The following SNTB1 variants were observed in gnomAD, a reference collection of about 807,000 sequenced individuals.
SNTB1 encodes syntrophin beta 1, also known as beta-1-syntrophin.
In SNTB1, 36 loss-of-function variants were observed where a neutral mutation model predicts 48.9. The observed-to-expected ratio is 0.74, with a 90% CI of 0.56 to 0.97. The LOEUF (loss-of-function observed/expected upper bound fraction) is 0.97, where lower values mean the gene tolerates loss of function less well. SNTB1 is among the 50% of genes least tolerant of loss of function. The pLI, the probability that SNTB1 is intolerant of heterozygous loss-of-function variation, is 0.00. For missense variants in SNTB1, 786 were observed against 703.4 expected (o/e 1.12, Z -1.33); for synonymous variants, 299 against 294.6 (o/e 1.01, Z -0.15).
chr8:120,807,680 G>A (rs1001734126), intron 1 of SNTB1, among the ~76,000 whole-genome samples: 5 of 152,034 alleles, frequency 3.3e-5, no homozygotes, highest in Non-Finnish European at 5.9e-5. Context: ...CCTCCTTCCC[G>A]TCCCTCCCTT....
chr8:120,693,018 A>G (rs1268026221), intron 2 of SNTB1, among the ~76,000 whole-genome samples: 1 of 152,172 alleles, frequency 6.6e-6, no homozygotes. Flanking sequence ...TGAGGGCTTC[A>G]GGGAGATTCC....
At chr8:120,544,310 G>T (rs909045822) in intron 5 of SNTB1, among the ~76,000 whole-genome samples, 5 of 152,126 alleles carry the variant, frequency 3.3e-5, no homozygotes, top group Non-Finnish European at 7.4e-5. Context: ...AGTATTTGGG[G>T]TATTTGTGAT....
intron 3 of SNTB1, among the ~76,000 whole-genome samples, chr8:120,575,705 T>A (rs1428708240): frequency 1.3e-5 from 2 of 152,230 alleles, no homozygotes; most frequent in Non-Finnish European, 2.9e-5. Context: ...TTCCCTAGTC[T>A]TTTGCTCTTA....
intron 1 of SNTB1, among the ~76,000 whole-genome samples, chr8:120,782,432 GT>G (rs1188714799): frequency 6.6e-6 from 1 of 151,906 alleles, no homozygotes; most frequent in Non-Finnish European, 1.5e-5. Flanking sequence ...TTTAAAAAAA[GT>G]TTTTTAAAAG....
intron 1 of SNTB1, among the ~76,000 whole-genome samples, chr8:120,766,807 T>C (rs568569552): frequency 6.6e-6 from 1 of 152,344 alleles, no homozygotes; most frequent in South Asian, 2.1e-4. Flanking sequence ...TGTAAAGCTA[T>C]GTATTTGCCA....
intron 1 of SNTB1, among the ~76,000 whole-genome samples, chr8:120,709,131 G>A (rs1045027416): frequency 3.9e-5 from 6 of 152,038 alleles, no homozygotes; most frequent in African/African-American, 1.4e-4. Context: ...AGGGAAGGAG[G>A]AAGGCAAGAA....
At chr8:120,735,527 G>T (rs532361827) in intron 1 of SNTB1, among the ~76,000 whole-genome samples, 1 of 152,128 alleles carries the variant, frequency 6.6e-6, no homozygotes, top group Non-Finnish European at 1.5e-5. Flanking sequence ...TCTAATCTGC[G>T]TGGTTGGTGT....
chr8:120,709,184 C>T (rs1256520671), intron 1 of SNTB1, among the ~76,000 whole-genome samples: 2 of 152,100 alleles, frequency 1.3e-5, no homozygotes, highest in Non-Finnish European at 2.9e-5. Context: ...CCTGAATTTC[C>T]ATCATGGCTG....
intron 6 of SNTB1, among the ~76,000 whole-genome samples, chr8:120,540,996 C>G (rs569893288): frequency 6.6e-6 from 1 of 152,136 alleles, no homozygotes; most frequent in Non-Finnish European, 1.5e-5. Context: ...AGAGATTAGT[C>G]ATTACGAAAT....
At chr8:120,643,613 T>C (rs2129680982) in intron 2 of SNTB1, among the ~76,000 whole-genome samples, 1 of 152,376 alleles carries the variant, frequency 6.6e-6, no homozygotes, top group Non-Finnish European at 1.5e-5. Flanking sequence ...TTTATATGAC[T>C]GAGTAGTATT....
At chr8:120,588,981 T>C (rs1363943062) in intron 3 of SNTB1, among the ~76,000 whole-genome samples, 1 of 152,192 alleles carries the variant, frequency 6.6e-6, no homozygotes, top group East Asian at 1.9e-4. Context: ...CATCATAATG[T>C]ATATACCACT....
At chr8:120,811,053 CTG>C (rs1339085956) in intron 1 of SNTB1, among the ~76,000 whole-genome samples, 25 of 152,132 alleles carry the variant, frequency 1.6e-4, no homozygotes, top group Non-Finnish European at 2.9e-4. Context: ...CCTGGAAAGA[CTG>C]CGGGCTGGAG....
intron 1 of SNTB1, among the ~76,000 whole-genome samples, chr8:120,790,141 T>C (rs1820003806): frequency 3.3e-5 from 5 of 152,016 alleles, no homozygotes; most frequent in Admixed American, 3.3e-4. Flanking sequence ...AAAAGCCTTA[T>C]GAACATTTCC....
chr8:120,809,708 T>C (rs941877036), intron 1 of SNTB1, among the ~76,000 whole-genome samples: 10 of 149,568 alleles, frequency 6.7e-5, no homozygotes, highest in Admixed American at 4.7e-4. Context: ...AGATCCCACC[T>C]GCCCCTTGTC....
chr8:120,730,091 C>A (rs1818827084), intron 1 of SNTB1, among the ~76,000 whole-genome samples: 1 of 152,168 alleles, frequency 6.6e-6, no homozygotes, highest in Admixed American at 6.5e-5. Flanking sequence ...ATCTGTTCAA[C>A]CAAATTAAGT....
At chr8:120,803,595 G>T (rs142639525) in intron 1 of SNTB1, among the ~76,000 whole-genome samples, 186 of 152,270 alleles carry the variant, frequency 1.2e-3, no homozygotes, top group African/African-American at 4.3e-3. Flanking sequence ...GATTCAGCTA[G>T]AAGCTTTTCA....
intron 1 of SNTB1, among the ~76,000 whole-genome samples, chr8:120,759,656 G>A (rs1380019997): frequency 6.6e-6 from 1 of 152,116 alleles, no homozygotes; most frequent in African/African-American, 2.4e-5. Context: ...CCAGCCCTTG[G>A]ATCATCATCA....
chr8:120,724,635 G>A (rs1818723159), intron 1 of SNTB1, among the ~76,000 whole-genome samples: 1 of 152,090 alleles, frequency 6.6e-6, no homozygotes, highest in African/African-American at 2.4e-5. Flanking sequence ...TTTGACCTTT[G>A]GAAACTACAT....
intron 2 of SNTB1, 30 bp from the exon 3 acceptor site, chr8:120,632,681 A>G (rs1351817888): frequency 7.5e-6 from 12 of 1,601,962 alleles, no homozygotes; most frequent in Non-Finnish European, 1.0e-5. Context: ...AGGGTTAGAA[A>G]GTTTCCTGGC....
Sources: gnomAD v4.1 joint callset for allele counts (sites outside exome capture counted in the v4.1 genomes callset) on GRCh38, gnomAD v4.1.1 for gene constraint, MANE v1.5 for transcripts, NCBI Gene and HGNC (gene_info 2026-07-23, HGNC 2026-07-21) for gene names.